The following RAP1GAP2 variants were observed in gnomAD, a reference collection of about 807,000 sequenced individuals.
RAP1GAP2 encodes RAP1 GTPase activating protein 2.
A neutral mutation model predicts 95.0 loss-of-function variants in RAP1GAP2; 27 were observed. The observed-to-expected ratio is 0.28, with a 90% CI of 0.21 to 0.39. The LOEUF (loss-of-function observed/expected upper bound fraction) is 0.39, where lower values mean the gene tolerates loss of function less well. RAP1GAP2 is among the 10% of genes least tolerant of loss of function. The pLI, the probability that RAP1GAP2 is intolerant of heterozygous loss-of-function variation, is 1.00. For synonymous variants in RAP1GAP2, 373 were observed against 380.9 expected (o/e 0.98, Z 0.24); for missense variants, 771 against 970.0 (o/e 0.79, Z 2.72).
In RAP1GAP2 at chr17:3,003,497, T is replaced by G. The variant is rs2046235116; in HGVS notation, c.1201-1872T>G. On this transcript the variant is annotated intron_variant, in intron 14 of 24. Transcript: ENST00000254695. The surrounding 1 kb of genome is among the most constrained non-coding windows in gnomAD (Gnocchi z 4.1). Reference sequence around the variant, plus strand: ...CCGTTTCCCGTCACGACTTGTCTGTTGCTCGGACGATGCTCTGTGTGCCAC... The same window carrying G: ...CCGTTTCCCGTCACGACTTGTCTGTGGCTCGGACGATGCTCTGTGTGCCAC... Among the ~76,000 whole-genome samples, 1 of 152,088 alleles carries G rather than the reference T, an allele frequency of 6.6e-6. No individual in the cohort carries two copies. The highest frequency in any genetic ancestry group is 2.4e-5 in the African/African-American group (1 of 41,414).
At chr17:2,766,364 C>T (rs897509427) in intron 1 of RAP1GAP2, among the ~76,000 whole-genome samples, 4 of 152,092 alleles carry the variant, frequency 2.6e-5, no homozygotes, top group Non-Finnish European at 2.9e-5. Context: ...CACATCCAGA[C>T]GCACTGGCTC....
At chr17:2,960,238 G>A (rs1597724786) in intron 4 of RAP1GAP2, among the ~76,000 whole-genome samples, 1 of 152,278 alleles carries the variant, frequency 6.6e-6, no homozygotes, top group East Asian at 1.9e-4. Flanking sequence ...AGGGGAGGGA[G>A]TGGCGTGGGG....
At chr17:2,939,152 A>G (rs1181438861) in intron 3 of RAP1GAP2, among the ~76,000 whole-genome samples, 1 of 151,822 alleles carries the variant, frequency 6.6e-6, no homozygotes, top group Non-Finnish European at 1.5e-5. Flanking sequence ...GTGCAGTGGC[A>G]CAGTCTTGGC....
chr17:2,830,668 C>G (rs1181704663), intron 2 of RAP1GAP2, among the ~76,000 whole-genome samples: 1 of 151,758 alleles, frequency 6.6e-6, no homozygotes. Context: ...GAGCCGAGAT[C>G]ACACCACTGC....
At chr17:2,991,156 C>A in intron 11 of RAP1GAP2, 141 bp from the exon 12 acceptor site, 1 of 686,644 alleles carries the variant, frequency 1.5e-6, no homozygotes, top group South Asian at 1.8e-5. Context: ...ACCCCAGTCC[C>A]ACTGAGGGCA....
intron 18 of RAP1GAP2, 94 bp from the exon 19 acceptor site, chr17:3,020,383 G>T: frequency 9.9e-7 from 1 of 1,011,026 alleles, no homozygotes; most frequent in South Asian, 1.4e-5. Flanking sequence ...GTCTCTTCCA[G>T]ACCAGGAGCC....
chr17:2,950,601 T>A (rs2043885290), intron 3 of RAP1GAP2, among the ~76,000 whole-genome samples: 1 of 131,992 alleles, frequency 7.6e-6, no homozygotes, highest in Admixed American at 9.4e-5. Flanking sequence ...AACTATTTGC[T>A]TCAATTTTTT....
chr17:2,852,879 C>T (rs796896761), intron 2 of RAP1GAP2, among the ~76,000 whole-genome samples: 2 of 152,180 alleles, frequency 1.3e-5, no homozygotes, highest in African/African-American at 4.8e-5. Flanking sequence ...CCGGCGCGAC[C>T]TTCCGACCTT....
intron 1 of RAP1GAP2, among the ~76,000 whole-genome samples, chr17:2,782,886 G>C (rs765702682): frequency 9.2e-5 from 14 of 152,124 alleles, no homozygotes; most frequent in Non-Finnish European, 2.1e-4. Flanking sequence ...GTGTGGTGGT[G>C]AGCACCTGTA....
intron 3 of RAP1GAP2, among the ~76,000 whole-genome samples, chr17:2,936,671 A>G (rs997227983): frequency 6.6e-6 from 1 of 152,100 alleles, no homozygotes; most frequent in African/African-American, 2.4e-5. Flanking sequence ...GGGCTCTGAT[A>G]TTGAGTCTTG....
chr17:2,930,312 C>G (rs142063549), intron 3 of RAP1GAP2, among the ~76,000 whole-genome samples: 1,816 of 152,326 alleles, frequency 0.012, 37 homozygotes, highest in African/African-American at 0.04. Flanking sequence ...GGAGGGGTGA[C>G]AAGCCCACCA....
At chr17:2,840,862 G>A (rs1050692943) in intron 2 of RAP1GAP2, among the ~76,000 whole-genome samples, 1 of 152,190 alleles carries the variant, frequency 6.6e-6, no homozygotes, top group Non-Finnish European at 1.5e-5. Context: ...GCTGGGTGTG[G>A]TGGCCTGGGC....
chr17:2,894,689 T>C (rs999740422), intron 2 of RAP1GAP2, among the ~76,000 whole-genome samples: 1 of 152,194 alleles, frequency 6.6e-6, no homozygotes, highest in Non-Finnish European at 1.5e-5. Flanking sequence ...CGTCCGTCAT[T>C]CTGTTTTCTG....
chr17:2,834,241 G>A (rs535179750), intron 2 of RAP1GAP2, among the ~76,000 whole-genome samples: 9 of 152,304 alleles, frequency 5.9e-5, no homozygotes, highest in African/African-American at 1.9e-4. Flanking sequence ...CAGTTCTTAA[G>A]ATGTAAGTTC....
Position 2,981,667 on chromosome 17 carries a change from G to A in RAP1GAP2, c.729+419G>A, listed in dbSNP as rs549775987. 9.2e-5 allele frequency among the ~76,000 whole-genome samples: 14 copies of A among 152,212 alleles called. No homozygotes were observed. In the East Asian group the frequency reaches 1.5e-3, roughly 17 times the overall value. On this transcript the variant is annotated intron_variant, in intron 10 of 24. Coordinates refer to ENST00000254695, the MANE Select transcript of RAP1GAP2 (RefSeq NM_015085.5). ...AAGAGAAAGGCCAGACAGCCGCCCC[G>A]CCATTGCCTGTGTTACTGCAGCTCT...
intron 2 of RAP1GAP2, among the ~76,000 whole-genome samples, chr17:2,829,318 C>T (rs2070731161): frequency 1.3e-5 from 2 of 152,064 alleles, no homozygotes; most frequent in Non-Finnish European, 2.9e-5. Flanking sequence ...TCAGATGGAG[C>T]GGGTGGTGAC....
chr17:2,766,124 G>A (rs545032426), intron 1 of RAP1GAP2, among the ~76,000 whole-genome samples: 2 of 152,192 alleles, frequency 1.3e-5, no homozygotes, highest in East Asian at 1.9e-4. Flanking sequence ...CCATGGGGGC[G>A]GTGGCAGCCT....
chr17:2,759,926 T>G (rs11652741), intron 1 of RAP1GAP2, among the ~76,000 whole-genome samples: 36,152 of 151,922 alleles, frequency 0.24, 4,463 homozygotes, highest in East Asian at 0.41. Context: ...GTAAAAACAT[T>G]TGCATATTGA....
intron 2 of RAP1GAP2, among the ~76,000 whole-genome samples, chr17:2,826,732 G>A (rs999243477): frequency 6.6e-6 from 1 of 152,156 alleles, no homozygotes; most frequent in Non-Finnish European, 1.5e-5. Flanking sequence ...TTCCGGCCGG[G>A]CGCGGTGGCT....
Sources: allele counts gnomAD v4.1 joint callset (sites outside exome capture counted in the v4.1 genomes callset), GRCh38; gene constraint gnomAD v4.1.1; non-coding constraint Gnocchi (gnomAD v3.1); transcripts MANE v1.5; gene names NCBI Gene and HGNC (gene_info 2026-07-23, HGNC 2026-07-21).